CNTN6: variants seen among roughly 807,000 people sequenced by gnomAD.
CNTN6 encodes the protein contactin-6.
Under a neutral mutation model 122.8 loss-of-function variants are expected in CNTN6, and 137 were observed. The observed-to-expected ratio is 1.12, with a 90% confidence interval of 0.97 to 1.29. The LOEUF is 1.29. Among genes scored for constraint, CNTN6 ranks in the 50% most tolerant of loss-of-function variants. The pLI is 0.00. For synonymous variants in CNTN6, 570 were observed against 426.0 expected (o/e 1.34, Z -4.16); for missense variants, 1,634 against 1,223.4 (o/e 1.34, Z -5.01).
chr3:1,313,586 C>CT (rs1166588384), intron 7 of CNTN6, among the ~76,000 whole-genome samples: 1 of 151,864 alleles, frequency 6.6e-6, no homozygotes, highest in South Asian at 2.1e-4. Flanking sequence ...TGCCTGCGTC[C>CT]TTTTTTTTCC....
intron 1 of CNTN6, among the ~76,000 whole-genome samples, chr3:1,102,959 T>C (rs6790324): frequency 0.036 from 5,039 of 139,440 alleles, 307 homozygotes; most frequent in African/African-American, 0.12. Flanking sequence ...TACAAGAAAT[T>C]AGCCGGGCGT....
At chr3:1,360,493 A>G (rs552180407) in intron 12 of CNTN6, among the ~76,000 whole-genome samples, 2 of 152,180 alleles carry the variant, frequency 1.3e-5, no homozygotes, top group African/African-American at 4.8e-5. Flanking sequence ...TATATTTTCT[A>G]AACTGGTAGT....
At position 1,295,725 on chromosome 3, in the gene CNTN6, C is replaced by A. The variant is rs151325063; in HGVS notation, c.579C>A (p.Asn193Lys). 36 of 1,613,956 alleles carry A rather than the reference C, an allele frequency of 2.2e-5. No homozygotes were observed. The Admixed American group carries it at 2.3e-4, about 10-fold the overall frequency. The change falls in exon 6 of 23, where the codon AAC becomes AAA. Residue 193 changes from asparagine (N) to lysine (K), a missense_variant. Asn to Lys is a moderately conservative substitution (Grantham distance 94, BLOSUM62 0). Coordinates refer to ENST00000446702, the MANE Select transcript of CNTN6 (RefSeq NM_001289080.2). ...AAGTGGAACCATCAGATGTGGGCAACTACACTTGCTTTATAACTAACAAAG... is the reference window on the plus strand; with the variant it reads ...AAGTGGAACCATCAGATGTGGGCAAATACACTTGCTTTATAACTAACAAAG... ...IAKVEPSDVGNYTCFITNKEA... is the reference protein window; with the variant it reads ...IAKVEPSDVGKYTCFITNKEA...
At chr3:1,153,497 T>C (rs2125198476) in intron 2 of CNTN6, among the ~76,000 whole-genome samples, 1 of 152,188 alleles carries the variant, frequency 6.6e-6, no homozygotes, top group Admixed American at 6.5e-5. Flanking sequence ...TAAAATAAAG[T>C]TGTTTTTAGG....
intron 7 of CNTN6, among the ~76,000 whole-genome samples, chr3:1,311,318 G>GTCTT (rs201838813): frequency 0.016 from 2,115 of 134,534 alleles, 260 homozygotes; most frequent in African/African-American, 0.058. Flanking sequence ...CATATAAAAT[G>GTCTT]TATATATACA....
At chr3:1,261,595 TCA>T (rs1559640983) in intron 4 of CNTN6, among the ~76,000 whole-genome samples, 1 of 152,112 alleles carries the variant, frequency 6.6e-6, no homozygotes, top group Non-Finnish European at 1.5e-5. Context: ...CAGAGCATTC[TCA>T]GGCAGAGCAA....
chr3:1,366,617 C>A (rs1307522070), intron 12 of CNTN6, among the ~76,000 whole-genome samples: 1 of 152,150 alleles, frequency 6.6e-6, no homozygotes, highest in Non-Finnish European at 1.5e-5. Flanking sequence ...AAGCACCAAT[C>A]TTCCAGTCCC....
Position 1,096,253 on chromosome 3 carries a change from T to TTG in CNTN6, c.-83+3148_-83+3149dup, listed in dbSNP as rs763508099. ...GATAAATGCCTACATGATTCTTTTG[T>TTG]TGTGTGTGTGTGTGTGAGTGTGTGT... On this transcript the variant is annotated intron_variant, in intron 1 of 22. Coordinates refer to ENST00000446702, the MANE Select transcript of CNTN6 (RefSeq NM_001289080.2). Among the ~76,000 whole-genome samples, 729 of 150,868 alleles carry TTG rather than the reference T, an allele frequency of 4.8e-3. 5 individuals are homozygous for TTG. Among genetic ancestry groups the TTG allele is most frequent in the African/African-American group, 0.016 (647 of 41,264 alleles).
chr3:1,237,680 T>C (rs954000364), intron 4 of CNTN6, among the ~76,000 whole-genome samples: 2 of 152,156 alleles, frequency 1.3e-5, no homozygotes, highest in African/African-American at 4.8e-5. Context: ...AAGGAAAACC[T>C]ATCAGATTAA....
intron 1 of CNTN6, among the ~76,000 whole-genome samples, chr3:1,102,533 A>G (rs2090963311): frequency 6.6e-6 from 1 of 151,374 alleles, no homozygotes; most frequent in South Asian, 2.1e-4. Flanking sequence ...GATCGAGACC[A>G]TCCTGGCTAA....
Position 1,403,377 on chromosome 3 carries a change from A to T in CNTN6, c.3046A>T (p.Ile1016Phe). Residue 1016 changes from isoleucine (I) to phenylalanine (F), a missense_variant, in exon 23 of 23, where the codon ATT (isoleucine) becomes TTT (phenylalanine). Coordinates refer to ENST00000446702, the MANE Select transcript of CNTN6 (RefSeq NM_001289080.2). ...TAGCACCCATTTTCTTTCCATTGTC[A>T]TTGTGATTTTTCACTGTTTTGCTAT... ...EPSTHFLSIVIVIFHCFAIQP... is the reference protein window; with the variant it reads ...EPSTHFLSIVFVIFHCFAIQP... 5 of 1,611,626 alleles carry T rather than the reference A, an allele frequency of 3.1e-6. No homozygotes were observed. Among genetic ancestry groups the T allele is most frequent in the South Asian group, 1.1e-5 (1 of 90,998 alleles).
At chr3:1,357,856 A>G (rs376362245) in intron 12 of CNTN6, among the ~76,000 whole-genome samples, 11 of 141,422 alleles carry the variant, frequency 7.8e-5, no homozygotes, top group East Asian at 5.9e-4. Context: ...ACATAAATGC[A>G]CATTTATGTA....
chr3:1,148,805 T>C (rs2092777612), intron 2 of CNTN6, among the ~76,000 whole-genome samples: 1 of 152,152 alleles, frequency 6.6e-6, no homozygotes, highest in Non-Finnish European at 1.5e-5. Context: ...GCAACTTCGA[T>C]GAGCTGAGTC....
intron 2 of CNTN6, among the ~76,000 whole-genome samples, chr3:1,212,238 G>A (rs1460424988): frequency 2.8e-5 from 4 of 145,264 alleles, no homozygotes; most frequent in African/African-American, 7.7e-5. Context: ...TTGCCTTACT[G>A]CCAAATAAAA....
intron 17 of CNTN6, among the ~76,000 whole-genome samples, chr3:1,382,340 T>C (rs17038444): frequency 0.02 from 2,985 of 152,330 alleles, 110 homozygotes; most frequent in African/African-American, 0.068. Context: ...ATGTATTTTA[T>C]AGAATCTGAT....
chr3:1,097,957 A>T (rs9881241), intron 1 of CNTN6, among the ~76,000 whole-genome samples: 1 of 152,018 alleles, frequency 6.6e-6, no homozygotes. Context: ...TCATAAGTGG[A>T]TATTAAAATA....
intron 2 of CNTN6, among the ~76,000 whole-genome samples, chr3:1,171,441 T>C (rs895511399): frequency 6.6e-6 from 1 of 152,154 alleles, no homozygotes; most frequent in African/African-American, 2.4e-5. Flanking sequence ...ACTAATCATA[T>C]TTTGAACCAA....
intron 10 of CNTN6, 84 bp downstream of exon 10, chr3:1,327,670 T>A (rs1478282776): frequency 7.2e-7 from 1 of 1,393,072 alleles, no homozygotes; most frequent in East Asian, 2.4e-5. Context: ...CAATTTTTTT[T>A]GTAAATTAGA....
Position 1,278,482 on chromosome 3 carries a change from T to C in CNTN6, c.428T>C (p.Leu143Pro), listed in dbSNP as rs1053862782. Residue 143 changes from leucine (L) to proline (P), a missense_variant, in exon 5 of 23, where the codon CTC becomes CCC. Physicochemically the swap from Leu to Pro is moderately conservative, Grantham distance 98. Transcript: ENST00000446702. ...SVREGQGVVL[L>P]CGPPPHFGDL... ...CGAGAAGGTCAAGGTGTGGTGCTTC[T>C]CTGTGGCCCACCGCCACATTTTGGA... 6.2e-7 allele frequency: 1 copy of C among 1,612,320 alleles called. No individual in the cohort carries two copies. The highest frequency in any genetic ancestry group is 1.3e-5 in the African/African-American group (1 of 74,898).
Sources: gnomAD v4.1 joint callset for allele counts (sites outside exome capture counted in the v4.1 genomes callset) on GRCh38, gnomAD v4.1.1 for gene constraint, MANE v1.5 for transcripts, NCBI Gene and HGNC (gene_info 2026-07-23, HGNC 2026-07-21) for gene names.